ANKS1B: variants seen among roughly 807,000 people sequenced by gnomAD.
ANKS1B encodes ankyrin repeat and sterile alpha motif domain-containing protein 1B.
ANKS1B carries 36 observed loss-of-function variants against 148.3 expected under a neutral mutation model. The observed-to-expected ratio is 0.24, with a 90% CI of 0.19 to 0.32. The LOEUF is 0.32. Among genes scored for constraint, ANKS1B ranks in the 10% least tolerant of loss-of-function variants. The pLI is 1.00. For synonymous variants in ANKS1B, 542 were observed against 560.8 expected, an observed-to-expected ratio of 0.97 and a Z score of 0.47; for missense variants, 1,157 against 1,542.6, an observed-to-expected ratio of 0.75 and a Z score of 4.19.
chr12:98,991,638 A>C (rs1409337593), intron 17 of ANKS1B, among the ~76,000 whole-genome samples: 1 of 152,206 alleles, frequency 6.6e-6, no homozygotes, highest in Non-Finnish European at 1.5e-5. Flanking sequence ...ACAATCTGGT[A>C]ACCTATTTAA....
At chr12:98,823,953 C>T (rs1302725751) in intron 19 of ANKS1B, among the ~76,000 whole-genome samples, 1 of 152,244 alleles carries the variant, frequency 6.6e-6, no homozygotes, top group Admixed American at 6.5e-5. Context: ...TACTGTCCTA[C>T]TTCTTTCCCA....
chr12:99,008,216 A>G (rs999647475), intron 17 of ANKS1B, among the ~76,000 whole-genome samples: 1 of 152,166 alleles, frequency 6.6e-6, no homozygotes, highest in Non-Finnish European at 1.5e-5. Context: ...ATACCCTATT[A>G]TAATGATAAA....
chr12:99,506,753 T>G (rs1409554020), intron 9 of ANKS1B, among the ~76,000 whole-genome samples: 2 of 151,950 alleles, frequency 1.3e-5, no homozygotes. Context: ...AAAAATAATT[T>G]TCTATGAATT....
intron 9 of ANKS1B, among the ~76,000 whole-genome samples, chr12:99,513,074 T>C (rs1330275332): frequency 8.0e-5 from 12 of 150,790 alleles, no homozygotes; most frequent in Non-Finnish European, 1.6e-4. Context: ...AAAAAAACTG[T>C]CACAGTCACC....
intron 1 of ANKS1B, among the ~76,000 whole-genome samples, chr12:99,900,250 G>A (rs2093547218): frequency 1.3e-5 from 2 of 150,042 alleles, no homozygotes; most frequent in Admixed American, 6.6e-5. Flanking sequence ...GCTCACGCCT[G>A]TAATCCCAGC....
intron 17 of ANKS1B, among the ~76,000 whole-genome samples, chr12:98,946,062 C>G (rs1442152211): frequency 2.0e-5 from 3 of 152,184 alleles, no homozygotes; most frequent in Non-Finnish European, 2.9e-5. Flanking sequence ...TTTTCCATCC[C>G]TATTCCCAGT....
At chr12:99,982,826 T>C (rs909173469) in intron 1 of ANKS1B, among the ~76,000 whole-genome samples, 1 of 152,236 alleles carries the variant, frequency 6.6e-6, no homozygotes, top group Non-Finnish European at 1.5e-5. Context: ...TCAACGAGTA[T>C]ATAGAATAAC....
intron 17 of ANKS1B, among the ~76,000 whole-genome samples, chr12:98,957,894 C>T (rs2099865143): frequency 6.6e-6 from 1 of 152,210 alleles, no homozygotes; most frequent in South Asian, 2.1e-4. Context: ...CACCTGCCCA[C>T]ACTTCCTAAT....
intron 14 of ANKS1B, among the ~76,000 whole-genome samples, chr12:99,173,609 T>C (rs972529210): frequency 1.3e-5 from 2 of 152,166 alleles, no homozygotes; most frequent in Non-Finnish European, 2.9e-5. Context: ...ATATTTATAC[T>C]ATAATATAAA....
chr12:99,278,353 CCT>C (rs1330980955), intron 12 of ANKS1B, among the ~76,000 whole-genome samples: 12 of 152,148 alleles, frequency 7.9e-5, no homozygotes, highest in Non-Finnish European at 1.5e-4. Flanking sequence ...TGTATGAACC[CCT>C]GTGTCCAGGT....
intron 14 of ANKS1B, among the ~76,000 whole-genome samples, chr12:99,216,584 G>A (rs906021500): frequency 6.6e-6 from 1 of 152,110 alleles, no homozygotes; most frequent in Non-Finnish European, 1.5e-5. Context: ...GAGCTTTGCT[G>A]TCACTTAACT....
chr12:99,719,806 C>T lies in ANKS1B; in HGVS notation c.1128+53116G>A, dbSNP rs147646350. On this transcript the variant is annotated intron_variant, in intron 8 of 26. Coordinates refer to ENST00000683438, the MANE Select transcript of ANKS1B (RefSeq NM_001352186.2). ...AAGCTAGAGTCATTCACTGCAAAGG[C>T]CATCAAAGGGCATCAGATCCCATCG... 3.8e-3 allele frequency among the ~76,000 whole-genome samples: 585 copies of T among 152,272 alleles called. 2 individuals carry two copies. The highest frequency in any genetic ancestry group is 0.014 in the African/African-American group (565 of 41,544).
intron 11 of ANKS1B, among the ~76,000 whole-genome samples, chr12:99,435,505 A>G (rs562950205): frequency 1.3e-5 from 2 of 152,150 alleles, no homozygotes; most frequent in African/African-American, 4.8e-5. Flanking sequence ...TCTTATTTCA[A>G]TTGTAGGCAA....
At chr12:99,148,382 G>T (rs887652419) in intron 15 of ANKS1B, among the ~76,000 whole-genome samples, 4 of 151,794 alleles carry the variant, frequency 2.6e-5, no homozygotes, top group African/African-American at 9.7e-5. Flanking sequence ...GGAGGAAAAG[G>T]CTCCTTTTTA....
rs531504117 is a variant in ANKS1B, at chr12:98,764,875, G to T, written c.3579+8167C>A. The stretch of plus-strand genomic sequence containing the variant: ...CGGGTGGCATGGATCTGATTCTGTT[G>T]TAACTATTTGCTTGTGTCCCTTCAT... On this transcript the variant is annotated intron_variant, in intron 25 of 26. Transcript: ENST00000683438. Among the ~76,000 whole-genome samples, 34 of 152,278 alleles carry T rather than the reference G, an allele frequency of 2.2e-4. 1 individual carries two copies. The South Asian group carries it at 5.6e-3, about 25-fold the overall frequency.
rs923813368 is a variant in ANKS1B at position 99,351,285 on chromosome 12, C to T, written c.1756+48346G>A. Among the ~76,000 whole-genome samples, 14 of 152,140 alleles carry T rather than the reference C, an allele frequency of 9.2e-5. No individual in the cohort carries two copies. In the East Asian group the frequency reaches 2.7e-3, roughly 29 times the overall value. Reference sequence around the variant, plus strand: ...TGATCAACTCTCAGAGGCCAAGGCCCACTAAACTAACTATATACTAAAAAA... The same window carrying T: ...TGATCAACTCTCAGAGGCCAAGGCCTACTAAACTAACTATATACTAAAAAA... On this transcript the variant is annotated intron_variant, in intron 12 of 26. Transcript: ENST00000683438.
At chr12:99,766,331 A>G (rs1275436685) in intron 8 of ANKS1B, among the ~76,000 whole-genome samples, 1 of 152,146 alleles carries the variant, frequency 6.6e-6, no homozygotes, top group African/African-American at 2.4e-5. Flanking sequence ...GCAGAAAGAG[A>G]TGTATCAAGA....
chr12:99,611,180 T>C (rs1161904483), intron 9 of ANKS1B, among the ~76,000 whole-genome samples: 1 of 152,134 alleles, frequency 6.6e-6, no homozygotes, highest in African/African-American at 2.4e-5. Context: ...GTAATCGTAA[T>C]ACTATTTAGG....
chr12:99,935,105 A>G (rs1441420035), intron 1 of ANKS1B, among the ~76,000 whole-genome samples: 2 of 152,180 alleles, frequency 1.3e-5, no homozygotes, highest in Non-Finnish European at 2.9e-5. Flanking sequence ...GTTAAACGTA[A>G]GAGATATAAA....
Sources: allele counts gnomAD v4.1 joint callset (sites outside exome capture counted in the v4.1 genomes callset), GRCh38; gene constraint gnomAD v4.1.1; transcripts MANE v1.5; gene names NCBI Gene and HGNC (gene_info 2026-07-23, HGNC 2026-07-21).